MUC17: variants seen among roughly 807,000 people sequenced by gnomAD.
MUC17 encodes the protein mucin 17, cell surface associated.
A neutral mutation model predicts 170.3 loss-of-function variants in MUC17; 190 were observed. The observed-to-expected ratio is 1.12, with a 90% CI of 0.99 to 1.26. The LOEUF (loss-of-function observed/expected upper bound fraction) is 1.26, where lower values mean the gene tolerates loss of function less well. Among genes scored for constraint, MUC17 ranks in the 50% most tolerant of loss-of-function variants. The pLI is 0.00. For synonymous variants in MUC17, 2,325 were observed against 2,002.5 expected (o/e 1.16, Z -4.30); for missense variants, 6,415 against 5,530.0 (o/e 1.16, Z -5.08).
intron 1 of MUC17, among the ~76,000 whole-genome samples, chr7:101,021,244 A>G (rs1030515671): frequency 1.5e-4 from 19 of 123,230 alleles, no homozygotes; most frequent in Non-Finnish European, 1.6e-4. Context: ...GGAGTTCTGT[A>G]GCGTGATGTC....
In MUC17 at chr7:101,037,640, T is replaced by G. The variant is rs553042016; in HGVS notation, c.6224T>G (p.Val2075Gly). ...STTPVDSKTQVTNSTEASSSA... is the reference protein window; with the variant it reads ...STTPVDSKTQGTNSTEASSSA... ...ACTCCTGTTGACTCCAAAACTCAGG[T>G]GACCAATTCTACTGAAGCCAGTTCA... The change falls in exon 3 of 13, where the codon GTG becomes GGG. Residue 2075 changes from valine (V) to glycine (G), a missense_variant. Coordinates refer to ENST00000306151, the MANE Select transcript of MUC17 (RefSeq NM_001040105.2). 7 of 1,613,698 alleles carry G rather than the reference T, an allele frequency of 4.3e-6. No homozygotes were observed. The East Asian group carries it at 6.7e-5, about 15-fold the overall frequency.
Position 101,032,633 on chromosome 7 carries a change from C to G in MUC17, c.1217C>G (p.Ala406Gly), listed in dbSNP as rs1794322326. Residue 406 changes from alanine (A) to glycine (G), a missense_variant, in exon 3 of 13, where the codon GCC (alanine) becomes GGC (glycine). Ala to Gly is a moderately conservative substitution (Grantham distance 60). Coordinates refer to ENST00000306151, the MANE Select transcript of MUC17 (RefSeq NM_001040105.2). The part of the protein sequence containing the change: ...TNMPVSTILV[A>G]SSEASTTSTI... ...ATGCCTGTCAGCACCATATTGGTGGCCAGTTCTGAGGCTAGCACCACTTCA... is the reference window on the plus strand; with the variant it reads ...ATGCCTGTCAGCACCATATTGGTGGGCAGTTCTGAGGCTAGCACCACTTCA... 2 of 1,611,854 alleles carry G rather than the reference C, an allele frequency of 1.2e-6. No homozygotes were observed. Among genetic ancestry groups the G allele is most frequent in the African/African-American group, 1.3e-5 (1 of 74,436 alleles).
intron 1 of MUC17, among the ~76,000 whole-genome samples, chr7:101,029,983 T>G (rs929911865): frequency 7.2e-5 from 11 of 152,218 alleles, no homozygotes; most frequent in African/African-American, 2.7e-4. Context: ...TTCAGTTGTC[T>G]GATTAATAAA....
chr7:101,051,485 C>T, intron 7 of MUC17, 128 bp from the exon 8 acceptor site: 1 of 803,292 alleles, frequency 1.2e-6, no homozygotes, highest in South Asian at 1.7e-5. Context: ...TGCTGCCCCT[C>T]TGCCGGGGCC....
At chr7:101,056,412 C>A in intron 12 of MUC17, 142 bp downstream of exon 12, 1 of 1,324,186 alleles carries the variant, frequency 7.6e-7, no homozygotes, top group Non-Finnish European at 1.0e-6. Flanking sequence ...GTCCATACTG[C>A]CAGGAAACAA....
Position 101,038,510 on chromosome 7 carries a change from C to G in MUC17, c.7094C>G (p.Thr2365Ser). The G allele has an allele frequency of 1.2e-6, 2 of 1,604,868 alleles. No individual in the cohort carries two copies. The highest frequency in any genetic ancestry group is 1.7e-6 in the Non-Finnish European group (2 of 1,174,312). ...TSTLSTTPAD[T>S]STPVTTYSQA... ...ACACTTTCTACAACTCCTGCTGACACCAGCACACCTGTGACTACTTATTCT... is the reference window on the plus strand; with the variant it reads ...ACACTTTCTACAACTCCTGCTGACAGCAGCACACCTGTGACTACTTATTCT... The change falls in exon 3 of 13, where the codon ACC becomes AGC. Residue 2365 changes from threonine to serine, a missense_variant. By Grantham distance (58) the Thr-to-Ser change is moderately conservative (BLOSUM62 1). Coordinates refer to ENST00000306151, the MANE Select transcript of MUC17 (RefSeq NM_001040105.2).
rs1422229401 is a variant in MUC17 at position 101,033,193 on chromosome 7, A to G, written c.1777A>G (p.Thr593Ala). 5 of 1,613,496 alleles carry G rather than the reference A, an allele frequency of 3.1e-6. No homozygotes were observed. The highest frequency in any genetic ancestry group is 4.2e-6 in the Non-Finnish European group (5 of 1,179,912). The part of the protein sequence containing the change: ...VSSEASTTST[T>A]PADSNTFVTT... ...TTCTGAGGCTAGCACCACTTCAACA[A>G]CTCCTGCTGACTCCAACACTTTTGT... is the stretch of plus-strand genomic sequence containing the variant. Residue 593 changes from threonine to alanine, a missense_variant, in exon 3 of 13, where the codon ACT becomes GCT. Transcript: ENST00000306151.
At chr7:101,048,779 G>A in intron 4 of MUC17, 66 bp from the exon 5 acceptor site, 2 of 1,592,136 alleles carry the variant, frequency 1.3e-6, no homozygotes, top group South Asian at 2.2e-5. Context: ...CTCCACCCAG[G>A]CTGGGGGCAG....
At position 101,049,342 on chromosome 7, in the gene MUC17, G is replaced by A. The variant is rs750473006; in HGVS notation, c.12682G>A (p.Gly4228Arg). ...FTEQMNIVYS[G>R]IPEYVGVNIT... ...CTTTCAGATGAATATTGTGTATTCC[G>A]GGATCCCTGAGTATGTCGGGGTGAA... The change falls in exon 6 of 13, where the codon GGG (glycine) becomes AGG (arginine). Residue 4228 changes from glycine to arginine, a missense_variant. Transcript: ENST00000306151. 27 of 1,613,934 alleles carry A rather than the reference G, an allele frequency of 1.7e-5. No homozygotes were observed. The highest frequency in any genetic ancestry group is 1.3e-4 in the East Asian group (6 of 44,886).
chr7:101,046,555 T>C (rs1298609538), intron 3 of MUC17, among the ~76,000 whole-genome samples: 1 of 152,036 alleles, frequency 6.6e-6, no homozygotes, highest in African/African-American at 2.4e-5. Context: ...ACTGGAGAAT[T>C]TGTTAAGGCC....
intron 7 of MUC17, among the ~76,000 whole-genome samples, chr7:101,051,364 C>CAAAAAA (rs398005597): frequency 2.7e-4 from 14 of 52,096 alleles, no homozygotes; most frequent in South Asian, 1.1e-3. Flanking sequence ...TACTCCATCT[C>CAAAAAA]AAAAAAAAAA....
intron 3 of MUC17, among the ~76,000 whole-genome samples, chr7:101,047,545 C>T (rs1203720356): frequency 2.0e-5 from 3 of 151,944 alleles, no homozygotes; most frequent in Non-Finnish European, 2.9e-5. Flanking sequence ...TAGGCAGTGT[C>T]GGAGCCGGGC....
Position 101,036,192 on chromosome 7 carries a change from C to A in MUC17, c.4776C>A (p.Thr1592=). The change falls in exon 3 of 13, where the codon ACC becomes ACA. Residue 1592 remains threonine, a synonymous_variant. Transcript: ENST00000306151. ...TMLVVSSEAN[T]LSTTPIDSKT... Reference sequence around the variant, plus strand: ...TGGTGGTCAGTTCTGAGGCTAACACCCTTTCAACAACCCCTATTGACTCCA... The same window carrying A: ...TGGTGGTCAGTTCTGAGGCTAACACACTTTCAACAACCCCTATTGACTCCA... The A allele has an allele frequency of 6.2e-7, 1 of 1,613,946 alleles. No individual in the cohort carries two copies. The highest frequency in any genetic ancestry group is 1.1e-5 in the South Asian group (1 of 91,070).
Position 101,034,020 on chromosome 7 carries a change from A to G in MUC17, c.2604A>G (p.Thr868=). 3 of 1,601,826 alleles carry G rather than the reference A, an allele frequency of 1.9e-6. No individual in the cohort carries two copies. The highest frequency in any genetic ancestry group is 2.6e-6 in the Non-Finnish European group (3 of 1,173,442). ...ATAGTGAAGGAAGAACTCCTTTAAC[A>G]AGTATGCCTGTCAGCACCACACTGG... The part of the protein sequence containing the change: ...STYSEGRTPL[T]SMPVSTTLVA... Residue 868 remains threonine, a synonymous_variant, in exon 3 of 13, where the codon ACA becomes ACG. Coordinates refer to ENST00000306151, the MANE Select transcript of MUC17 (RefSeq NM_001040105.2).
In MUC17 at chr7:101,036,297, T is replaced by A. The variant is rs189501078; in HGVS notation, c.4881T>A (p.Ser1627Arg). The part of the protein sequence containing the change: ...EGSSMTISTP[S>R]EGSPLLTSIP... ...GCAGCATGACAATCTCAACTCCTAG[T>A]GAAGGAAGTCCTCTATTAACAAGTA... Residue 1627 changes from serine to arginine, a missense_variant, in exon 3 of 13, where the codon AGT becomes AGA. Coordinates refer to ENST00000306151, the MANE Select transcript of MUC17 (RefSeq NM_001040105.2). 1.5e-4 allele frequency: 236 copies of A among 1,613,864 alleles called. 2 individuals are homozygous for A. Among genetic ancestry groups the A allele is most frequent in the Middle Eastern group, 8.2e-4 (5 of 6,062 alleles).
In MUC17 at chr7:101,035,210, G is replaced by T. The variant is rs776393672; in HGVS notation, c.3794G>T (p.Gly1265Val). ...AGTTCCTCTCCTACAACCGCTGAAGGTACCAGCTTGCCAACCTCAACTACT... is the reference window on the plus strand; with the variant it reads ...AGTTCCTCTCCTACAACCGCTGAAGTTACCAGCTTGCCAACCTCAACTACT... ...ETSSSPTTAE[G>V]TSLPTSTTSE... The change falls in exon 3 of 13, where the codon GGT becomes GTT. Residue 1265 changes from glycine to valine, a missense_variant. Physicochemically the swap from Gly to Val is moderately radical, Grantham distance 109 (BLOSUM62 -3). Coordinates refer to ENST00000306151, the MANE Select transcript of MUC17 (RefSeq NM_001040105.2). 5.0e-6 allele frequency: 8 copies of T among 1,608,940 alleles called. No homozygotes were observed. The African/African-American group carries it at 1.1e-4, about 22-fold the overall frequency.
At position 101,035,473 on chromosome 7, in the gene MUC17, G is replaced by T. The variant is rs1333236677; in HGVS notation, c.4057G>T (p.Ala1353Ser). The change falls in exon 3 of 13, where the codon GCA becomes TCA. Residue 1353 changes from alanine (A) to serine (S), a missense_variant. Coordinates refer to ENST00000306151, the MANE Select transcript of MUC17 (RefSeq NM_001040105.2). The part of the protein sequence containing the change: ...PVNTTLVASS[A>S]ISILSTTPVD... ...CAACACCACACTGGTGGCCAGTTCT[G>T]CAATCAGCATCCTTTCAACAACTCC... The T allele has an allele frequency of 3.1e-6, 5 of 1,602,154 alleles. No homozygotes were observed. The highest frequency in any genetic ancestry group is 3.4e-5 in the Admixed American group (2 of 59,352).
chr7:101,029,219 G>A (rs765802041), intron 1 of MUC17, among the ~76,000 whole-genome samples: 36 of 151,490 alleles, frequency 2.4e-4, no homozygotes, highest in East Asian at 5.9e-4. Flanking sequence ...AGCTGGACAC[G>A]GTGGCAGGTG....
chr7:101,030,561 T>TA (rs1240204468), intron 1 of MUC17, among the ~76,000 whole-genome samples: 2 of 152,164 alleles, frequency 1.3e-5, no homozygotes, highest in Non-Finnish European at 2.9e-5. Flanking sequence ...TTCTATCTTT[T>TA]AAAAAATATT....
Sources: gnomAD v4.1 joint callset for allele counts (sites outside exome capture counted in the v4.1 genomes callset) on GRCh38, gnomAD v4.1.1 for gene constraint, MANE v1.5 for transcripts, NCBI Gene and HGNC (gene_info 2026-07-23, HGNC 2026-07-21) for gene names.